Variants in TTC7A observed in about 807,000 individuals in gnomAD.
The protein encoded by TTC7A is tetratricopeptide repeat protein 7A.
In TTC7A, 110 loss-of-function variants were observed where a neutral mutation model predicts 103.7. That is an observed-to-expected ratio of 1.06 (90% CI 0.91 to 1.24). The LOEUF (loss-of-function observed/expected upper bound fraction) is 1.24, where lower values mean the gene tolerates loss of function less well. Among genes scored for constraint, TTC7A ranks in the 50% most tolerant of loss-of-function variants. The probability of loss-of-function intolerance (pLI) is 0.00; values close to 1 mark genes in which losing one functional copy is unlikely to be tolerated. For missense variants in TTC7A, 1,340 were observed against 1,116.3 expected, an observed-to-expected ratio of 1.20 and a Z score of -2.86; for synonymous variants, 521 against 467.9, an observed-to-expected ratio of 1.11 and a Z score of -1.47.
chr2:47,024,371 G>A lies in TTC7A; in HGVS notation c.1641+12G>A, dbSNP rs11885389. 114 of 1,601,448 alleles carry A rather than the reference G, an allele frequency of 7.1e-5. No homozygotes were observed. Among genetic ancestry groups the A allele is most frequent in the South Asian group, 4.5e-4 (40 of 89,456 alleles). ...CCCTCGTCCGACAGGTGGGTTGTCC[G>A]TGTTCCTAACCCCCGGGTCCTCGGG... On this transcript the variant is annotated intron_variant, in intron 14 of 19. Transcript: ENST00000319190.
chr2:46,946,161 A>C lies in TTC7A; in HGVS notation c.185-4202A>C, dbSNP rs1245760512. 2.0e-5 allele frequency among the ~76,000 whole-genome samples: 3 copies of C among 152,276 alleles called. No individual in the cohort carries two copies. The East Asian group carries it at 5.8e-4, about 29-fold the overall frequency. On this transcript the variant is annotated intron_variant, in intron 1 of 19. Transcript: ENST00000319190. ...GATGGGGTTGGGAGACTGGGTGGCC[A>C]GTAAATGGGGCTTTGGGGCTTTGGG...
intron 19 of TTC7A, chr2:47,068,746 GC>G (rs1425387841): frequency 9.9e-5 from 15 of 151,182 alleles, no homozygotes; most frequent in Admixed American, 9.9e-4. Context: ...AAAACCTTAA[GC>G]TGATATAGGC....
rs1297697326 is a variant in TTC7A, at chr2:46,950,420, A to G, written c.242A>G (p.Asn81Ser). Residue 81 changes from asparagine to serine, a missense_variant, in exon 2 of 20, where the codon AAC becomes AGC. Asn to Ser is a conservative substitution (Grantham distance 46). Coordinates refer to ENST00000319190, the MANE Select transcript of TTC7A (RefSeq NM_020458.4). ...CTCCTGGAGCAGTGTTTGAAGGAGA[A>G]CCATGCCAAAATAAAAGACTCCATG... ...EALLEQCLKE[N>S]HAKIKDSMPL... The G allele has an allele frequency of 1.1e-5, 17 of 1,614,190 alleles. No individual in the cohort carries two copies. Among genetic ancestry groups the G allele is most frequent in the Non-Finnish European group, 1.4e-5 (17 of 1,180,040 alleles).
intron 5 of TTC7A, among the ~76,000 whole-genome samples, chr2:46,981,861 G>C (rs984177735): frequency 6.6e-6 from 1 of 152,264 alleles, no homozygotes; most frequent in African/African-American, 2.4e-5. Context: ...GGAGTTGTTT[G>C]TCCAGAATGT....
chr2:47,021,716 G>A, intron 11 of TTC7A, 146 bp from the exon 12 acceptor site: 1 of 706,788 alleles, frequency 1.4e-6, no homozygotes, highest in Non-Finnish European at 2.5e-6. Context: ...TGGGATCTCT[G>A]GGGCAAGGGA....
chr2:46,978,635 T>C, intron 4 of TTC7A, 157 bp from the exon 5 acceptor site: 2 of 563,640 alleles, frequency 3.5e-6, no homozygotes, highest in Non-Finnish European at 6.4e-6. Flanking sequence ...AGACATATTT[T>C]GAGTTAAAGC....
At position 46,950,487 on chromosome 2, in the gene TTC7A, A is replaced by C. The variant is rs1671309056; in HGVS notation, c.309A>C (p.Lys103Asn). 1 of 1,614,128 alleles carries C rather than the reference A, an allele frequency of 6.2e-7. No individual in the cohort carries two copies. Among genetic ancestry groups the C allele is most frequent in the Non-Finnish European group, 8.5e-7 (1 of 1,180,020 alleles). Residue 103 changes from lysine to asparagine, a missense_variant, in exon 2 of 20, where the codon AAA becomes AAC. By Grantham distance (94) the Lys-to-Asn change is moderately conservative. Coordinates refer to ENST00000319190, the MANE Select transcript of TTC7A (RefSeq NM_020458.4). ...EKNEPKMSEA[K>N]NYLSSILNHG... is the part of the protein sequence containing the mutation. Reference sequence around the variant, plus strand: ...ATGAGCCGAAGATGAGCGAAGCCAAAAATTATCTAAGCAGTATCCTTAACC... The same window carrying C: ...ATGAGCCGAAGATGAGCGAAGCCAACAATTATCTAAGCAGTATCCTTAACC...
intron 15 of TTC7A, among the ~76,000 whole-genome samples, chr2:47,037,488 C>T (rs186993221): frequency 1.3e-5 from 2 of 152,316 alleles, no homozygotes; most frequent in Non-Finnish European, 2.9e-5. Flanking sequence ...TTACAGCACC[C>T]CTGTTTTGAA....
chr2:47,035,976 C>G (rs1681059166), intron 15 of TTC7A, among the ~76,000 whole-genome samples: 1 of 152,212 alleles, frequency 6.6e-6, no homozygotes, highest in African/African-American at 2.4e-5. Flanking sequence ...GCCTTTGTTC[C>G]TAAGGTAAGA....
chr2:47,006,484 G>C (rs1469876302), intron 9 of TTC7A, among the ~76,000 whole-genome samples, 157 bp from the exon 10 acceptor site: 1 of 152,210 alleles, frequency 6.6e-6, no homozygotes, highest in African/African-American at 2.4e-5. Flanking sequence ...CCAGGGGCAG[G>C]AACTGGGTTT....
At chr2:46,949,571 A>G (rs1671228020) in intron 1 of TTC7A, among the ~76,000 whole-genome samples, 1 of 152,194 alleles carries the variant, frequency 6.6e-6, no homozygotes, top group East Asian at 1.9e-4. Context: ...GTGGTGAGGG[A>G]TGCAAATGAG....
chr2:47,014,503 G>C (rs997225148), intron 11 of TTC7A, among the ~76,000 whole-genome samples: 2 of 152,186 alleles, frequency 1.3e-5, no homozygotes, highest in Non-Finnish European at 1.5e-5. Flanking sequence ...CCATCCTTCT[G>C]CTGGGTTCCT....
intron 3 of TTC7A, chr2:46,974,588 T>C (rs1415850614): frequency 2.2e-6 from 1 of 447,942 alleles, no homozygotes; most frequent in East Asian, 6.9e-5. Flanking sequence ...ATTGCATTTC[T>C]AAAGAGCTAA....
chr2:46,972,502 G>A (rs1207367326), intron 3 of TTC7A, among the ~76,000 whole-genome samples: 1 of 152,188 alleles, frequency 6.6e-6, no homozygotes, highest in Non-Finnish European at 1.5e-5. Flanking sequence ...CTAAGCTGAT[G>A]TCTGGTACCA....
chr2:47,042,472 G>C (rs1006517019), intron 15 of TTC7A, among the ~76,000 whole-genome samples: 1 of 151,710 alleles, frequency 6.6e-6, no homozygotes. Flanking sequence ...ACTGCACTCT[G>C]CCTGGGCAGC....
At chr2:47,043,914 G>A (rs933267227) in intron 15 of TTC7A, among the ~76,000 whole-genome samples, 4 of 152,198 alleles carry the variant, frequency 2.6e-5, no homozygotes, top group Admixed American at 2.6e-4. Context: ...GTCTGCCCTA[G>A]ACCCATTCCG....
intron 11 of TTC7A, among the ~76,000 whole-genome samples, chr2:47,020,293 A>T (rs944329384): frequency 2.0e-5 from 3 of 152,158 alleles, no homozygotes; most frequent in Non-Finnish European, 4.4e-5. Context: ...TCTTCTCACC[A>T]TGTGGCTTTG....
chr2:46,916,176 G>C (rs924067222), exon 1 of TTC7A: 1 of 985,018 alleles, frequency 1.0e-6, no homozygotes, highest in Non-Finnish European at 1.2e-6. Flanking sequence ...AGGGCTCTTG[G>C]TTCAGGTCTC....
chr2:47,030,818 C>T (rs2104600751), intron 15 of TTC7A, among the ~76,000 whole-genome samples: 1 of 152,170 alleles, frequency 6.6e-6, no homozygotes, highest in East Asian at 1.9e-4. Context: ...TCGTGGCCGG[C>T]CCTGATTCTG....
Sources: gnomAD v4.1 joint callset for allele counts (sites outside exome capture counted in the v4.1 genomes callset) on GRCh38, gnomAD v4.1.1 for gene constraint, MANE v1.5 for transcripts, NCBI Gene and HGNC (gene_info 2026-07-23, HGNC 2026-07-21) for gene names.